Variants in SLC8A3 observed in about 807,000 individuals in gnomAD.
SLC8A3 encodes the protein solute carrier family 8 member A3.
In SLC8A3, 37 loss-of-function variants were observed where a neutral mutation model predicts 65.4. The ratio of observed to expected loss-of-function variants is 0.57; its 90% confidence interval spans 0.44 to 0.74. The LOEUF is 0.74. Ranked by LOEUF, SLC8A3 falls within the 30% of genes least tolerant of loss-of-function variation. SLC8A3 has a pLI of 0.00. For synonymous variants in SLC8A3, 461 were observed against 444.5 expected, an observed-to-expected ratio of 1.04 and a Z score of -0.47; for missense variants, 1,112 against 1,172.1, an observed-to-expected ratio of 0.95 and a Z score of 0.75.
intron 2 of SLC8A3, among the ~76,000 whole-genome samples, chr14:70,087,209 A>G (rs1891500703): frequency 6.6e-6 from 1 of 152,262 alleles, no homozygotes; most frequent in Admixed American, 6.5e-5. Flanking sequence ...AGGCTAGCAT[A>G]TCTTTAGGAT....
chr14:70,136,279 C>T (rs1895193968), intron 2 of SLC8A3, among the ~76,000 whole-genome samples: 2 of 152,180 alleles, frequency 1.3e-5, no homozygotes, highest in African/African-American at 4.8e-5. Flanking sequence ...GGGAGCGCAG[C>T]CCTGCCAGCA....
At chr14:70,159,058 T>C (rs535851673) in intron 2 of SLC8A3, among the ~76,000 whole-genome samples, 2 of 152,222 alleles carry the variant, frequency 1.3e-5, no homozygotes, top group Non-Finnish European at 2.9e-5. Context: ...CTATGCCAGG[T>C]CTTCAAACTT....
chr14:70,060,933 G>T lies in SLC8A3; in HGVS notation c.1791C>A (p.Thr597=), dbSNP rs781141560. 1 of 1,461,426 alleles carries T rather than the reference G, an allele frequency of 6.8e-7. No homozygotes were observed. Among genetic ancestry groups the T allele is most frequent in the Non-Finnish European group, 9.2e-7 (1 of 1,084,284 alleles). 90.5% of individuals were successfully genotyped at this position (1,461,426 alleles called of 1,614,324 possible). A position where few individuals can be genotyped will look rare whatever the true frequency, so the allele number is the denominator to read the frequency against. ...CCTCATCTACTATTTTAACCCTTAT[G>T]GTTTTCCTGTAGGGACAACAAGAGA... ...LEFKNDETVK[T]IRVKIVDEEE... Residue 597 remains threonine (T), a synonymous_variant, in exon 3 of 7, where the codon ACC becomes ACA. Coordinates refer to ENST00000356921, the MANE Select transcript of SLC8A3 (RefSeq NM_182932.3).
intron 1 of SLC8A3, among the ~76,000 whole-genome samples, chr14:70,184,511 C>G (rs1469608573): frequency 6.6e-6 from 1 of 152,176 alleles, no homozygotes; most frequent in African/African-American, 2.4e-5. Context: ...TCTCCCTCCA[C>G]TCTCCTCTCC....
At chr14:70,086,214 C>G (rs1891421213) in intron 2 of SLC8A3, among the ~76,000 whole-genome samples, 1 of 152,102 alleles carries the variant, frequency 6.6e-6, no homozygotes, top group South Asian at 2.1e-4. Flanking sequence ...CTAGCATTAT[C>G]TTCATTTTAC....
intron 2 of SLC8A3, among the ~76,000 whole-genome samples, chr14:70,078,407 T>C (rs1050985549): frequency 1.1e-4 from 16 of 152,198 alleles, no homozygotes; most frequent in Non-Finnish European, 2.4e-4. Flanking sequence ...TTAGACAGCA[T>C]TTTTTTCTGA....
At position 70,174,670 on chromosome 14, in the gene SLC8A3, T is replaced by TG. The variant is rs1231807210; in HGVS notation, c.-62-6187_-62-6186insC. On this transcript the variant is annotated intron_variant, in intron 1 of 6. Transcript: ENST00000356921. ...AAATCCGTTTTTTTTTTGTTTTTTTTTTTTTTTTTTTTTTTTTTTTGCCTA... is the reference window on the plus strand; with the variant it reads ...AAATCCGTTTTTTTTTTGTTTTTTTTGTTTTTTTTTTTTTTTTTTTTGCCTA... Among the ~76,000 whole-genome samples, 124 of 110,194 alleles carry TG rather than the reference T, an allele frequency of 1.1e-3. 1 individual carries two copies. Among genetic ancestry groups the TG allele is most frequent in the African/African-American group, 2.5e-3 (85 of 33,694 alleles). The allele number at this position is 110,194 out of a possible 152,430, so 72.3% of individuals were successfully genotyped here.
intron 2 of SLC8A3, among the ~76,000 whole-genome samples, chr14:70,094,443 G>A (rs1480633368): frequency 1.3e-5 from 2 of 152,152 alleles, no homozygotes; most frequent in Admixed American, 1.3e-4. Context: ...TCATTACGAC[G>A]TCTTACATTT....
At chr14:70,111,898 C>A (rs1349093756) in intron 2 of SLC8A3, among the ~76,000 whole-genome samples, 3 of 152,134 alleles carry the variant, frequency 2.0e-5, no homozygotes, top group African/African-American at 7.2e-5. Context: ...GGCCAGGGCA[C>A]AAAGGCTGAA....
At chr14:70,076,473 C>A (rs1057274196) in intron 2 of SLC8A3, among the ~76,000 whole-genome samples, 2 of 152,178 alleles carry the variant, frequency 1.3e-5, no homozygotes, top group African/African-American at 4.8e-5. Context: ...TTAATGAATA[C>A]CAGTAAGTGG....
chr14:70,174,658 TTTTG>T (rs1426590352), intron 1 of SLC8A3, among the ~76,000 whole-genome samples: 1,034 of 50,938 alleles, frequency 0.02, 43 homozygotes, highest in African/African-American at 0.07. Flanking sequence ...TCCGTTTTTT[TTTTG>T]TTTTTTTTTT....
chr14:70,156,108 G>C (rs1348134819), intron 2 of SLC8A3, among the ~76,000 whole-genome samples: 2 of 152,170 alleles, frequency 1.3e-5, no homozygotes, highest in East Asian at 1.9e-4. Context: ...GCGGTGGGGA[G>C]CTGGCTTGAG....
At chr14:70,119,673 A>C (rs929554221) in intron 2 of SLC8A3, among the ~76,000 whole-genome samples, 1 of 152,212 alleles carries the variant, frequency 6.6e-6, no homozygotes, top group African/African-American at 2.4e-5. Flanking sequence ...AACAGCCTGA[A>C]TTTTGGATTT....
chr14:70,116,195 C>T (rs1000288960), intron 2 of SLC8A3, among the ~76,000 whole-genome samples: 10 of 152,064 alleles, frequency 6.6e-5, no homozygotes, highest in East Asian at 5.8e-4. Context: ...ATAAATATGG[C>T]GCTTGGGTCT....
intron 2 of SLC8A3, among the ~76,000 whole-genome samples, chr14:70,074,234 C>T (rs1890278145): frequency 6.6e-6 from 1 of 152,096 alleles, no homozygotes; most frequent in African/African-American, 2.4e-5. Context: ...AATTGTGGGT[C>T]CCAAAGGGGT....
chr14:70,166,385 A>G (rs1232193196), intron 2 of SLC8A3, among the ~76,000 whole-genome samples: 1 of 152,186 alleles, frequency 6.6e-6, no homozygotes, highest in Non-Finnish European at 1.5e-5. Context: ...TGTTTCAGAG[A>G]AGAAAATGTT....
chr14:70,086,538 A>G (rs1891459937), intron 2 of SLC8A3, among the ~76,000 whole-genome samples: 1 of 151,198 alleles, frequency 6.6e-6, no homozygotes, highest in Non-Finnish European at 1.5e-5. Context: ...AGTAGCTGGG[A>G]TTACAGGAGC....
At chr14:70,048,677 A>C in intron 6 of SLC8A3, 90 bp downstream of exon 6, 1 of 1,135,040 alleles carries the variant, frequency 8.8e-7, no homozygotes, top group Non-Finnish European at 1.3e-6. Flanking sequence ...TTCAGATCTG[A>C]GATGGTGTGG....
chr14:70,095,113 C>G (rs577816328), intron 2 of SLC8A3, among the ~76,000 whole-genome samples: 5 of 152,200 alleles, frequency 3.3e-5, no homozygotes, highest in Non-Finnish European at 7.3e-5. Flanking sequence ...GGGCTTGTCA[C>G]GTGGTAGAAA....
Sources: allele counts gnomAD v4.1 joint callset (sites outside exome capture counted in the v4.1 genomes callset), GRCh38; gene constraint gnomAD v4.1.1; transcripts MANE v1.5; gene names NCBI Gene and HGNC (gene_info 2026-07-23, HGNC 2026-07-21).